MAP3K5: variants seen among roughly 807,000 people sequenced by gnomAD.
MAP3K5 encodes the protein ASK-1.
A neutral mutation model predicts 158.7 loss-of-function variants in MAP3K5; 56 were observed. That is an observed-to-expected ratio of 0.35 (90% CI 0.28 to 0.44). MAP3K5 has a LOEUF of 0.44. MAP3K5 is among the 20% of genes least tolerant of loss of function. The probability of loss-of-function intolerance (pLI) is 1.00; values close to 1 mark genes in which losing one functional copy is unlikely to be tolerated. For missense variants in MAP3K5, 1,294 were observed against 1,674.8 expected, an observed-to-expected ratio of 0.77 and a Z score of 3.97; for synonymous variants, 579 against 601.7, an observed-to-expected ratio of 0.96 and a Z score of 0.55.
chr6:136,651,431 G>A (rs1370570976), intron 10 of MAP3K5, among the ~76,000 whole-genome samples: 1 of 152,150 alleles, frequency 6.6e-6, no homozygotes, highest in Non-Finnish European at 1.5e-5. Context: ...TACTACATAA[G>A]CTATTTCTAT....
chr6:136,686,775 G>A lies in MAP3K5; in HGVS notation c.1253+7365C>T, dbSNP rs575600053. ...ACCACTGCTCAAGGAAATAAGAGAG[G>A]GCACAAACAAATGGAAAAACATTCC... On this transcript the variant is annotated intron_variant, in intron 7 of 29. Transcript: ENST00000359015. Among the ~76,000 whole-genome samples, 9 of 152,144 alleles carry A rather than the reference G, an allele frequency of 5.9e-5. 1 individual carries two copies. The South Asian group carries it at 1.9e-3, about 32-fold the overall frequency.
rs778900695 is a variant in MAP3K5, at chr6:136,705,119, C to T, written c.603G>A (p.Gln201=). Residue 201 remains glutamine (Q), a synonymous_variant, in exon 3 of 30, where the codon CAG becomes CAA. Coordinates refer to ENST00000359015, the MANE Select transcript of MAP3K5 (RefSeq NM_005923.4). ...TAAATAAAGTACTCACAGTATTCTT[C>T]TGGCAAATTATTTCCTGAAAAACAA... is the stretch of plus-strand genomic sequence containing the variant. ...SLQSLKEIIC[Q]KNTMCTGNYT... The T allele has an allele frequency of 2.0e-5, 25 of 1,219,890 alleles. No individual in the cohort carries two copies. The highest frequency in any genetic ancestry group is 2.8e-5 in the Non-Finnish European group (24 of 869,610). The allele number at this position is 1,219,890 out of a possible 1,614,324, so 75.6% of individuals were successfully genotyped here.
intron 15 of MAP3K5, among the ~76,000 whole-genome samples, chr6:136,622,456 A>G (rs572723690): frequency 5.3e-4 from 80 of 152,310 alleles, no homozygotes; most frequent in African/African-American, 1.9e-3. Flanking sequence ...CACTGATTTC[A>G]GTCTCTTCAG....
At chr6:136,780,419 T>C (rs1784568372) in intron 1 of MAP3K5, among the ~76,000 whole-genome samples, 1 of 152,254 alleles carries the variant, frequency 6.6e-6, no homozygotes, top group Non-Finnish European at 1.5e-5. Context: ...TATGTATGTA[T>C]ACCATATTTG....
intron 8 of MAP3K5, among the ~76,000 whole-genome samples, chr6:136,665,573 T>C (rs1262782043): frequency 2.6e-5 from 4 of 152,138 alleles, no homozygotes; most frequent in African/African-American, 7.2e-5. Flanking sequence ...CTTGAACTCC[T>C]GACCTCAGGT....
chr6:136,559,744 GC>G (rs774947949), intron 28 of MAP3K5, among the ~76,000 whole-genome samples: 20 of 152,058 alleles, frequency 1.3e-4, no homozygotes, highest in Non-Finnish European at 2.4e-4. Context: ...ATATTGACCA[GC>G]CTAATCTCCA....
At chr6:136,753,574 A>G (rs2114933175) in intron 1 of MAP3K5, among the ~76,000 whole-genome samples, 1 of 152,324 alleles carries the variant, frequency 6.6e-6, no homozygotes, top group Non-Finnish European at 1.5e-5. Flanking sequence ...AAGGCATGGT[A>G]TTAAATTGAT....
At chr6:136,740,565 C>T (rs1316842531) in intron 1 of MAP3K5, among the ~76,000 whole-genome samples, 4 of 152,076 alleles carry the variant, frequency 2.6e-5, no homozygotes, top group African/African-American at 7.2e-5. Flanking sequence ...AGACTTCTCC[C>T]CAGCTCTTTC....
At chr6:136,626,964 T>TAGTGG (rs1402402033) in intron 14 of MAP3K5, among the ~76,000 whole-genome samples, 2 of 152,192 alleles carry the variant, frequency 1.3e-5, no homozygotes, top group Non-Finnish European at 2.9e-5. Context: ...TACCTATGCA[T>TAGTGG]TAGGGAAACC....
chr6:136,615,604 C>A (rs1388872436), intron 15 of MAP3K5, among the ~76,000 whole-genome samples: 1 of 152,178 alleles, frequency 6.6e-6, no homozygotes, highest in African/African-American at 2.4e-5. Context: ...GAGCCTAGTG[C>A]AGGAGCTCAG....
At chr6:136,682,651 G>A (rs1184359306) in intron 7 of MAP3K5, among the ~76,000 whole-genome samples, 2 of 152,102 alleles carry the variant, frequency 1.3e-5, no homozygotes, top group South Asian at 2.1e-4. Flanking sequence ...TTAATTTCCT[G>A]GCTATGGATC....
chr6:136,758,426 G>T (rs749491116), intron 1 of MAP3K5, among the ~76,000 whole-genome samples: 1 of 152,182 alleles, frequency 6.6e-6, no homozygotes, highest in Non-Finnish European at 1.5e-5. Flanking sequence ...AATTTACACT[G>T]CATTTATACC....
rs201920918 is a variant in MAP3K5, at chr6:136,623,011, C to T, written c.2017-30G>A. On this transcript the variant is annotated intron_variant, in intron 14 of 29. Coordinates refer to ENST00000359015, the MANE Select transcript of MAP3K5 (RefSeq NM_005923.4). Reference sequence around the variant, plus strand: ...AAAAGGAAAAACGGGGAGAAAAGATCAAAACATTAGTTCATTCTACATTTC... The same window carrying T: ...AAAAGGAAAAACGGGGAGAAAAGATTAAAACATTAGTTCATTCTACATTTC... The T allele has an allele frequency of 6.2e-6, 10 of 1,607,776 alleles. No individual in the cohort carries two copies. In the African/African-American group the frequency reaches 1.1e-4, roughly 17 times the overall value.
chr6:136,744,861 G>T (rs149024491), intron 1 of MAP3K5, among the ~76,000 whole-genome samples: 1 of 152,262 alleles, frequency 6.6e-6, no homozygotes, highest in African/African-American at 2.4e-5. Flanking sequence ...TTGGAATCAG[G>T]TGATTCTAAT....
intron 2 of MAP3K5, among the ~76,000 whole-genome samples, chr6:136,719,398 G>T (rs1026771729): frequency 6.6e-6 from 1 of 152,092 alleles, no homozygotes; most frequent in African/African-American, 2.4e-5. Flanking sequence ...GTAAAGGATT[G>T]CTCTAGGATA....
intron 1 of MAP3K5, among the ~76,000 whole-genome samples, chr6:136,736,307 G>A (rs113069304): frequency 0.011 from 1,730 of 152,250 alleles, 26 homozygotes; most frequent in African/African-American, 0.038. Flanking sequence ...ACTCTGTTAA[G>A]CTCACTTTCG....
At chr6:136,713,528 G>A (rs1050072922) in intron 2 of MAP3K5, among the ~76,000 whole-genome samples, 1 of 152,164 alleles carries the variant, frequency 6.6e-6, no homozygotes, top group Non-Finnish European at 1.5e-5. Context: ...GTCAACTCCT[G>A]CTAAATAAAT....
intron 1 of MAP3K5, among the ~76,000 whole-genome samples, chr6:136,755,690 A>G (rs140658479): frequency 0.011 from 575 of 53,498 alleles, 28 homozygotes; most frequent in Non-Finnish European, 0.014. Flanking sequence ...CTCTGTCTCC[A>G]AAAAAAAAAA....
chr6:136,589,570 T>C (rs1016834096), intron 23 of MAP3K5, among the ~76,000 whole-genome samples: 2 of 152,158 alleles, frequency 1.3e-5, no homozygotes, highest in Admixed American at 1.3e-4. Context: ...AATTCGTATG[T>C]TGAAGCCCTA....
Sources: gnomAD v4.1 joint callset for allele counts (sites outside exome capture counted in the v4.1 genomes callset) on GRCh38, gnomAD v4.1.1 for gene constraint, MANE v1.5 for transcripts, NCBI Gene and HGNC (gene_info 2026-07-23, HGNC 2026-07-21) for gene names.